ATRNL1: variants seen among roughly 807,000 people sequenced by gnomAD.
The protein encoded by ATRNL1 is attractin like 1, also known as attractin-like protein 1.
In ATRNL1, 95 loss-of-function variants were observed where a neutral mutation model predicts 182.7. That is an observed-to-expected ratio of 0.52 (90% confidence interval 0.44 to 0.62). The LOEUF is 0.62. ATRNL1 is among the 20% of genes least tolerant of loss of function. The pLI is 0.00. For synonymous variants in ATRNL1, 576 were observed against 568.3 expected (o/e 1.01, Z -0.19); for missense variants, 1,471 against 1,679.5 (o/e 0.88, Z 2.17).
chr10:115,461,902 A>T (rs1554969750), intron 21 of ATRNL1, 39 bp from the exon 22 acceptor site: 4 of 1,455,498 alleles, frequency 2.7e-6, no homozygotes, highest in Middle Eastern at 1.8e-4. Context: ...ACAGTTTTTA[A>T]AGTACATATC....
At chr10:115,129,208 TTC>T (rs1554874364) in intron 4 of ATRNL1, 117 bp from the exon 5 acceptor site, 3 of 675,044 alleles carry the variant, frequency 4.4e-6, no homozygotes, top group African/African-American at 3.6e-5. Flanking sequence ...CATTGTGAAA[TTC>T]TGTTACATTT....
intron 26 of ATRNL1, chr10:115,598,092 CTG>C (rs1555014766): frequency 6.5e-6 from 1 of 152,900 alleles, no homozygotes; most frequent in Non-Finnish European, 1.5e-5. Flanking sequence ...AGTTATATAA[CTG>C]TTGCATGGTA....
intron 5 of ATRNL1, among the ~76,000 whole-genome samples, chr10:115,153,467 C>A (rs1238366170): frequency 3.3e-5 from 5 of 152,184 alleles, no homozygotes; most frequent in Non-Finnish European, 7.4e-5. Context: ...GGAATTTATC[C>A]ATTTCTTCTA....
At chr10:115,232,666 C>T (rs782779721) in intron 9 of ATRNL1, among the ~76,000 whole-genome samples, 5 of 151,850 alleles carry the variant, frequency 3.3e-5, no homozygotes, top group Non-Finnish European at 5.9e-5. Flanking sequence ...TAGTCTTTAA[C>T]CCAACTGGAT....
intron 10 of ATRNL1, among the ~76,000 whole-genome samples, chr10:115,254,062 C>T (rs181262171): frequency 8.9e-4 from 135 of 152,200 alleles, no homozygotes; most frequent in Non-Finnish European, 9.6e-4. Flanking sequence ...TGGTTCCAAG[C>T]CTTTGCTATT....
At chr10:115,153,846 G>A (rs1404062133) in intron 5 of ATRNL1, among the ~76,000 whole-genome samples, 1 of 152,030 alleles carries the variant, frequency 6.6e-6, no homozygotes, top group Non-Finnish European at 1.5e-5. Flanking sequence ...GCTTTCTGTT[G>A]TGGGCATTTA....
intron 7 of ATRNL1, among the ~76,000 whole-genome samples, chr10:115,168,747 A>G (rs1847159933): frequency 6.6e-6 from 1 of 152,086 alleles, no homozygotes; most frequent in African/African-American, 2.4e-5. Flanking sequence ...ATTTTCACCC[A>G]TTTCGTGTGC....
chr10:115,525,047 C>A (rs565427521), intron 25 of ATRNL1, among the ~76,000 whole-genome samples: 1 of 152,092 alleles, frequency 6.6e-6, no homozygotes, highest in Non-Finnish European at 1.5e-5. Context: ...GTTTCAGGGA[C>A]CTTCCTTCTA....
At chr10:115,145,360 G>T (rs1030397928) in intron 5 of ATRNL1, among the ~76,000 whole-genome samples, 12 of 151,848 alleles carry the variant, frequency 7.9e-5, no homozygotes, top group Non-Finnish European at 1.6e-4. Context: ...AGAGTAAATT[G>T]GAAACCATTG....
chr10:115,149,389 A>G (rs1290743166), intron 5 of ATRNL1, among the ~76,000 whole-genome samples: 1 of 152,028 alleles, frequency 6.6e-6, no homozygotes, highest in Non-Finnish European at 1.5e-5. Flanking sequence ...TTAAAAGGAA[A>G]TTCCACTGAG....
intron 26 of ATRNL1, among the ~76,000 whole-genome samples, chr10:115,649,400 T>A (rs1859839364): frequency 6.6e-6 from 1 of 152,168 alleles, no homozygotes; most frequent in Admixed American, 6.6e-5. Context: ...CCTTTATTTA[T>A]GTTATTGCTA....
At chr10:115,938,141 T>A in intron 28 of ATRNL1, among the ~76,000 whole-genome samples, 1 of 152,218 alleles carries the variant, frequency 6.6e-6, no homozygotes, top group East Asian at 1.9e-4. Flanking sequence ...CCAAGGCAAT[T>A]TCATTTGATG....
At chr10:115,126,682 C>T (rs1844988714) in intron 3 of ATRNL1, among the ~76,000 whole-genome samples, 1 of 152,060 alleles carries the variant, frequency 6.6e-6, no homozygotes, top group Non-Finnish European at 1.5e-5. Flanking sequence ...ATTTATGTGT[C>T]AAATATGATT....
chr10:115,222,702 T>G (rs2144458435), intron 9 of ATRNL1, among the ~76,000 whole-genome samples: 1 of 152,272 alleles, frequency 6.6e-6, no homozygotes, highest in African/African-American at 2.4e-5. Flanking sequence ...AATTAAATAT[T>G]CTTAAAAATG....
chr10:115,648,159 C>T (rs572778943), intron 26 of ATRNL1, among the ~76,000 whole-genome samples: 47 of 152,156 alleles, frequency 3.1e-4, no homozygotes, highest in African/African-American at 1.1e-3. Flanking sequence ...TCCTATACAC[C>T]AGTAGCAGAC....
At chr10:115,635,528 C>T (rs1858814379) in intron 26 of ATRNL1, among the ~76,000 whole-genome samples, 1 of 152,112 alleles carries the variant, frequency 6.6e-6, no homozygotes, top group Non-Finnish European at 1.5e-5. Context: ...TTATTCACTA[C>T]TGTAGAGTGT....
At chr10:115,254,034 A>G (rs1264345003) in intron 10 of ATRNL1, among the ~76,000 whole-genome samples, 1 of 152,174 alleles carries the variant, frequency 6.6e-6, no homozygotes. Context: ...CCAGTCTATC[A>G]TTGATGGACA....
intron 9 of ATRNL1, among the ~76,000 whole-genome samples, chr10:115,219,128 G>C (rs577703953): frequency 2.0e-5 from 3 of 151,904 alleles, no homozygotes; most frequent in South Asian, 2.1e-4. Flanking sequence ...CCAGGTACTC[G>C]GGAGGCTGAG....
At chr10:115,285,375 T>G (rs1354363301) in intron 14 of ATRNL1, among the ~76,000 whole-genome samples, 3 of 151,908 alleles carry the variant, frequency 2.0e-5, no homozygotes, top group Non-Finnish European at 4.4e-5. Context: ...TTTATAAGAG[T>G]TGCAGCAATA....
Sources: allele counts gnomAD v4.1 joint callset (sites outside exome capture counted in the v4.1 genomes callset), GRCh38; gene constraint gnomAD v4.1.1; transcripts MANE v1.5; gene names NCBI Gene and HGNC (gene_info 2026-07-23, HGNC 2026-07-21).